The following TCF7L1 variants were observed in gnomAD, a reference collection of about 807,000 sequenced individuals.
TCF7L1 encodes transcription factor 7 like 1.
A neutral mutation model predicts 63.7 loss-of-function variants in TCF7L1; 18 were observed. The ratio of observed to expected loss-of-function variants is 0.28; its 90% CI spans 0.20 to 0.42. TCF7L1 has a LOEUF of 0.42. Among genes scored for constraint, TCF7L1 ranks in the 10% least tolerant of loss-of-function variants. TCF7L1 has a pLI of 1.00. For synonymous variants in TCF7L1, 355 were observed against 340.9 expected (o/e 1.04, Z -0.46); for missense variants, 654 against 779.3 (o/e 0.84, Z 1.91).
At chr2:85,292,241 C>T (rs578186680) in intron 4 of TCF7L1, among the ~76,000 whole-genome samples, 1 of 85,648 alleles carries the variant, frequency 1.2e-5, no homozygotes, top group Non-Finnish European at 2.0e-5. Flanking sequence ...GGGATGGTCT[C>T]GATCTCCTGA....
intron 3 of TCF7L1, among the ~76,000 whole-genome samples, chr2:85,194,343 A>C (rs934782838): frequency 2.0e-5 from 3 of 152,220 alleles, no homozygotes; most frequent in Admixed American, 1.3e-4. Context: ...AGCCTGGTCA[A>C]CATGGCAAAA....
chr2:85,259,474 G>A (rs1680806486), intron 3 of TCF7L1, among the ~76,000 whole-genome samples: 1 of 152,172 alleles, frequency 6.6e-6, no homozygotes, highest in Non-Finnish European at 1.5e-5. Flanking sequence ...TAAAGCAGAG[G>A]GCTGGCCTGA....
chr2:85,240,496 G>C (rs1680297427), intron 3 of TCF7L1, among the ~76,000 whole-genome samples: 1 of 152,066 alleles, frequency 6.6e-6, no homozygotes, highest in African/African-American at 2.4e-5. Context: ...CATTGGCTGG[G>C]CATGGTGGCT....
chr2:85,199,129 T>C (rs1679220102), intron 3 of TCF7L1, among the ~76,000 whole-genome samples: 1 of 152,210 alleles, frequency 6.6e-6, no homozygotes, highest in Non-Finnish European at 1.5e-5. Flanking sequence ...CCACCTGTGC[T>C]GAGAGGGTGT....
At chr2:85,138,240 C>T (rs1177216311) in intron 3 of TCF7L1, among the ~76,000 whole-genome samples, 1 of 152,174 alleles carries the variant, frequency 6.6e-6, no homozygotes, top group Non-Finnish European at 1.5e-5. Flanking sequence ...TCCTGGTCCT[C>T]AAACGCGTGC....
intron 3 of TCF7L1, among the ~76,000 whole-genome samples, chr2:85,207,600 C>T (rs373720817): frequency 2.0e-4 from 30 of 151,464 alleles, no homozygotes; most frequent in Admixed American, 4.6e-4. Context: ...GTAGATGGAA[C>T]GTGAAAGGGT....
chr2:85,156,474 A>C (rs1427774317), intron 3 of TCF7L1, among the ~76,000 whole-genome samples: 1 of 152,206 alleles, frequency 6.6e-6, no homozygotes, highest in East Asian at 1.9e-4. Context: ...AGTTCCCAGT[A>C]CATTCTTGAC....
intron 3 of TCF7L1, among the ~76,000 whole-genome samples, chr2:85,242,544 T>C (rs1360484081): frequency 2.0e-5 from 3 of 152,264 alleles, no homozygotes; most frequent in Non-Finnish European, 2.9e-5. Context: ...TGCCCGCTTC[T>C]GCTGTAGGGA....
At chr2:85,214,861 A>G (rs1208411600) in intron 3 of TCF7L1, among the ~76,000 whole-genome samples, 1 of 152,240 alleles carries the variant, frequency 6.6e-6, no homozygotes, top group Non-Finnish European at 1.5e-5. Flanking sequence ...CTGTGAACAG[A>G]AACACCTTGG....
At chr2:85,137,489 C>A (rs1308867192) in intron 3 of TCF7L1, among the ~76,000 whole-genome samples, 1 of 152,246 alleles carries the variant, frequency 6.6e-6, no homozygotes, top group African/African-American at 2.4e-5. Context: ...AGAGGAATAA[C>A]TGCCACAAAC....
At chr2:85,219,784 TTG>T (rs1190046002) in intron 3 of TCF7L1, among the ~76,000 whole-genome samples, 3 of 152,202 alleles carry the variant, frequency 2.0e-5, no homozygotes, top group Non-Finnish European at 4.4e-5. Flanking sequence ...ATAAGAATGT[TTG>T]TAACTCCCAA....
At chr2:85,272,342 A>G (rs1428365889) in intron 3 of TCF7L1, among the ~76,000 whole-genome samples, 3 of 152,242 alleles carry the variant, frequency 2.0e-5, no homozygotes, top group Admixed American at 1.3e-4. Context: ...TACTGATTGT[A>G]AAAATTTCAA....
At chr2:85,255,365 T>TC (rs1376375836) in intron 3 of TCF7L1, among the ~76,000 whole-genome samples, 1 of 151,694 alleles carries the variant, frequency 6.6e-6, no homozygotes, top group Non-Finnish European at 1.5e-5. Flanking sequence ...CCCCATTCCC[T>TC]CCCCCCTACA....
intron 3 of TCF7L1, among the ~76,000 whole-genome samples, chr2:85,229,318 G>C (rs995351535): frequency 2.0e-5 from 3 of 152,110 alleles, no homozygotes; most frequent in Non-Finnish European, 4.4e-5. Flanking sequence ...GTGCACTCCA[G>C]CTGGGAGACA....
At chr2:85,174,193 T>C (rs1401133962) in intron 3 of TCF7L1, among the ~76,000 whole-genome samples, 1 of 152,168 alleles carries the variant, frequency 6.6e-6, no homozygotes, top group East Asian at 1.9e-4. Context: ...CGGCCTTCTT[T>C]TTCTATGTTC....
chr2:85,290,696 G>A (rs570487275), intron 4 of TCF7L1, among the ~76,000 whole-genome samples: 2 of 152,344 alleles, frequency 1.3e-5, no homozygotes, highest in Admixed American at 1.3e-4. Context: ...GGTGATGTAT[G>A]TATATATAGC....
intron 3 of TCF7L1, among the ~76,000 whole-genome samples, chr2:85,149,164 C>T (rs538457464): frequency 9.9e-5 from 15 of 152,098 alleles, no homozygotes; most frequent in Admixed American, 2.0e-4. Context: ...GTATTTAGTG[C>T]GGGTTTTGAA....
intron 3 of TCF7L1, chr2:85,233,151 T>G (rs1680120627): frequency 6.6e-6 from 1 of 151,716 alleles, no homozygotes; most frequent in East Asian, 1.9e-4. Context: ...CCAGGCAGGT[T>G]TTGAACTCCT....
At chr2:85,280,595 C>A (rs1410378902) in intron 3 of TCF7L1, among the ~76,000 whole-genome samples, 3 of 152,180 alleles carry the variant, frequency 2.0e-5, no homozygotes, top group African/African-American at 7.2e-5. Context: ...CCCATCTATC[C>A]TGTTTAATAT....
Sources: gnomAD v4.1 joint callset for allele counts (sites outside exome capture counted in the v4.1 genomes callset) on GRCh38, gnomAD v4.1.1 for gene constraint, MANE v1.5 for transcripts, NCBI Gene and HGNC (gene_info 2026-07-23, HGNC 2026-07-21) for gene names.